Variants in BARX2 observed in about 807,000 individuals in gnomAD.
BARX2 encodes the protein BARX homeobox 2.
BARX2 carries 11 observed loss-of-function variants against 25.5 expected under a neutral mutation model. The ratio of observed to expected loss-of-function variants is 0.43; its 90% CI spans 0.27 to 0.71. BARX2 has a LOEUF of 0.71. BARX2 is among the 30% of genes least tolerant of loss of function. The pLI is 0.19. For missense variants in BARX2, 360 were observed against 359.9 expected (o/e 1.00, Z 0.00); for synonymous variants, 137 against 149.5 (o/e 0.92, Z 0.61).
intron 1 of BARX2, among the ~76,000 whole-genome samples, chr11:129,397,525 A>C (rs1861733167): frequency 1.3e-5 from 2 of 152,238 alleles, no homozygotes; most frequent in African/African-American, 4.8e-5. Context: ...AGTGATCCGC[A>C]CTGAACTTTC....
intron 1 of BARX2, among the ~76,000 whole-genome samples, chr11:129,429,603 G>A (rs1016054113): frequency 6.6e-6 from 1 of 152,068 alleles, no homozygotes; most frequent in Admixed American, 6.6e-5. Flanking sequence ...CAAAATAAAG[G>A]GGGGACTCGT....
intron 1 of BARX2, among the ~76,000 whole-genome samples, chr11:129,412,258 C>T (rs950170942): frequency 1.3e-4 from 19 of 144,938 alleles, no homozygotes; most frequent in African/African-American, 3.1e-4. Flanking sequence ...GGCTACAGGG[C>T]GAGAATCCAT....
chr11:129,451,068 A>G, intron 3 of BARX2, 68 bp from the exon 4 acceptor site: 1 of 1,561,512 alleles, frequency 6.4e-7, no homozygotes. Context: ...GTGAGGTTAT[A>G]CTGGGAGTGG....
chr11:129,444,144 A>G (rs1011529832), intron 3 of BARX2, among the ~76,000 whole-genome samples: 10 of 152,074 alleles, frequency 6.6e-5, no homozygotes, highest in Admixed American at 5.2e-4. Context: ...TGTTTTCTCA[A>G]TGTTGTGGTT....
rs188794645 is a variant in BARX2, at chr11:129,442,355, G to A, written c.489-480G>A. On this transcript the variant is annotated intron_variant, in intron 2 of 3. Coordinates refer to ENST00000281437, the MANE Select transcript of BARX2 (RefSeq NM_003658.5). ...CCATCTGGGTGACTGCTGGCCTGTG[G>A]GAGGGTGCAGAGGAGACGAGCTGTG... 2.6e-3 allele frequency among the ~76,000 whole-genome samples: 401 copies of A among 152,292 alleles called. 2 individuals are homozygous for A. Among genetic ancestry groups the A allele is most frequent in the Non-Finnish European group, 4.3e-3 (292 of 68,030 alleles).
chr11:129,416,575 G>A (rs1457016682), intron 1 of BARX2, among the ~76,000 whole-genome samples: 1 of 152,160 alleles, frequency 6.6e-6, no homozygotes, highest in Non-Finnish European at 1.5e-5. Flanking sequence ...CATTAAAAAT[G>A]CTTGGAGTTT....
intron 3 of BARX2, among the ~76,000 whole-genome samples, chr11:129,444,214 T>TAACA (rs1862297045): frequency 6.7e-6 from 1 of 150,010 alleles, no homozygotes; most frequent in African/African-American, 2.5e-5. Context: ...TATTTTCTGC[T>TAACA]AACAATGAGG....
rs908327346 is a variant in BARX2 at position 129,376,674 on chromosome 11, C to A, written c.187+452C>A. Among the ~76,000 whole-genome samples, 19 of 152,188 alleles carry A rather than the reference C, an allele frequency of 1.2e-4. No individual in the cohort carries two copies. The highest frequency in any genetic ancestry group is 2.6e-4 in the Non-Finnish European group (18 of 68,042). ...GTGAATTTTGCAAGTAAATCAGTAT[C>A]CTGAGGTTCTCAACAAAATCTCGAA... On this transcript the variant is annotated intron_variant, in intron 1 of 3. Coordinates refer to ENST00000281437, the MANE Select transcript of BARX2 (RefSeq NM_003658.5). The surrounding 1 kb of genome is among the most constrained non-coding windows in gnomAD (Gnocchi z 4.2).
chr11:129,445,680 T>A (rs1862317511), intron 3 of BARX2, among the ~76,000 whole-genome samples: 1 of 152,164 alleles, frequency 6.6e-6, no homozygotes, highest in Non-Finnish European at 1.5e-5. Flanking sequence ...AGATAAGACA[T>A]GAGCCTGTCC....
At chr11:129,425,109 A>G (rs915109771) in intron 1 of BARX2, among the ~76,000 whole-genome samples, 2 of 152,262 alleles carry the variant, frequency 1.3e-5, no homozygotes, top group African/African-American at 4.8e-5. Context: ...CCAAGGTCAT[A>G]GAGCTCAAAG....
chr11:129,401,288 A>G (rs549984258), intron 1 of BARX2, among the ~76,000 whole-genome samples: 4 of 150,866 alleles, frequency 2.7e-5, no homozygotes, highest in East Asian at 2.1e-4. Context: ...ACATAGTTTT[A>G]GTATGGCAGA....
At chr11:129,451,025 T>A in intron 3 of BARX2, 111 bp from the exon 4 acceptor site, 2 of 1,398,152 alleles carry the variant, frequency 1.4e-6, no homozygotes, top group South Asian at 2.8e-5. Flanking sequence ...AATCCTGCAA[T>A]TTCACTGCTG....
chr11:129,397,101 A>G (rs1861728298), intron 1 of BARX2, among the ~76,000 whole-genome samples: 1 of 152,156 alleles, frequency 6.6e-6, no homozygotes, highest in Admixed American at 6.6e-5. Flanking sequence ...CCTGGGCAAC[A>G]TAGTGAGACA....
chr11:129,381,236 A>G (rs922508877), intron 1 of BARX2, among the ~76,000 whole-genome samples: 3 of 152,192 alleles, frequency 2.0e-5, no homozygotes, highest in African/African-American at 7.2e-5. Context: ...ATTTCATGCA[A>G]CAAATATTTA....
intron 1 of BARX2, among the ~76,000 whole-genome samples, chr11:129,432,576 A>G (rs565199088): frequency 7.9e-4 from 120 of 152,302 alleles, no homozygotes; most frequent in South Asian, 2.1e-3. Context: ...AGTGTCATAA[A>G]ACTAAACACA....
chr11:129,384,102 A>G (rs1861595755), intron 1 of BARX2, among the ~76,000 whole-genome samples: 2 of 151,958 alleles, frequency 1.3e-5, no homozygotes, highest in South Asian at 4.2e-4. Flanking sequence ...TCAAATTCCC[A>G]ACCTTGTGAT....
intron 3 of BARX2, among the ~76,000 whole-genome samples, chr11:129,450,013 C>A (rs1862377536): frequency 6.6e-6 from 1 of 152,166 alleles, no homozygotes; most frequent in African/African-American, 2.4e-5. Flanking sequence ...CCGTTCTGGT[C>A]CTTTCATACA....
At position 129,451,424 on chromosome 11, in the gene BARX2, G is replaced by T. The variant is rs773346630; in HGVS notation, c.*22G>T. 3.1e-6 allele frequency: 5 copies of T among 1,603,554 alleles called. No homozygotes were observed. The highest frequency in any genetic ancestry group is 4.3e-6 in the Non-Finnish European group (5 of 1,171,960). On this transcript the variant is annotated 3_prime_UTR_variant, in exon 4 of 4. Coordinates refer to ENST00000281437, the MANE Select transcript of BARX2 (RefSeq NM_003658.5). ...CTAAAGTAAAACCCTTTTGAGGGAA[G>T]AGGGAGACTGGGGAGAAGGGAAAAG... is the stretch of plus-strand genomic sequence containing the variant.
chr11:129,442,861 T>A lies in BARX2; in HGVS notation c.515T>A (p.Leu172His). The A allele has an allele frequency of 6.2e-7, 1 of 1,613,992 alleles. No homozygotes were observed. The highest frequency in any genetic ancestry group is 1.3e-5 in the African/African-American group (1 of 75,014). The change falls in exon 3 of 4, where the codon CTC becomes CAC. Residue 172 changes from leucine (L) to histidine (H), a missense_variant. Leu to His is a moderately conservative substitution (Grantham distance 99). Coordinates refer to ENST00000281437, the MANE Select transcript of BARX2 (RefSeq NM_003658.5). ...DRLDLAQSLG[L>H]TQLQVKTWYQ... ...TTGGACTTGGCTCAGTCTCTGGGAC[T>A]CACTCAGCTGCAGGTGAAGACCTGG... is the stretch of plus-strand genomic sequence containing the variant.
Sources: allele counts gnomAD v4.1 joint callset (sites outside exome capture counted in the v4.1 genomes callset), GRCh38; gene constraint gnomAD v4.1.1; non-coding constraint Gnocchi (gnomAD v3.1); transcripts MANE v1.5; gene names NCBI Gene and HGNC (gene_info 2026-07-23, HGNC 2026-07-21).